Variants in GRID2 observed in about 807,000 individuals in gnomAD.
GRID2 encodes the protein glutamate receptor ionotropic, delta-2.
Under a neutral mutation model 114.8 loss-of-function variants are expected in GRID2, and 33 were observed. That is an observed-to-expected ratio of 0.29 (90% CI 0.22 to 0.38). GRID2 has a LOEUF of 0.38. GRID2 is among the 10% of genes least tolerant of loss of function. GRID2 has a pLI of 1.00. For synonymous variants in GRID2, 505 were observed against 449.9 expected (o/e 1.12, Z -1.55); for missense variants, 1,184 against 1,257.7 (o/e 0.94, Z 0.89).
rs778167783 is a variant in GRID2, at chr4:93,216,890, TC to T, written c.944del (p.Pro315HisfsTer67). The T allele has an allele frequency of 6.2e-7, 1 of 1,612,522 alleles. No homozygotes were observed. On this transcript the variant is annotated frameshift_variant, in exon 6 of 16. Transcript: ENST00000282020. LOFTEE classifies it high-confidence loss of function. Reference sequence around the variant, plus strand: ...CTTCAACATTGTGTGATCCAAAGGATCCATTTGCTCAGAATATGGAGGTATA... The same window carrying T: ...CTTCAACATTGTGTGATCCAAAGGATCATTTGCTCAGAATATGGAGGTATA... ...ISSTLCDPKDPFAQNMEISNL... is the reference protein window; with the variant it reads ...ISSTLCDPKDXFAQNMEISNL...
rs115522868 is a variant in GRID2, at chr4:93,046,421, G to A, written c.245-38574G>A. On this transcript the variant is annotated intron_variant, in intron 2 of 15. Coordinates refer to ENST00000282020, the MANE Select transcript of GRID2 (RefSeq NM_001510.4). The stretch of plus-strand genomic sequence containing the variant: ...AGAGAAAAATAGTGTAAGATTTCAA[G>A]ATAAAAGTGAAAGCTGAAGGAATTT... Among the ~76,000 whole-genome samples, 226 of 152,182 alleles carry A rather than the reference G, an allele frequency of 1.5e-3. 1 individual carries two copies. The highest frequency in any genetic ancestry group is 5.4e-3 in the African/African-American group (223 of 41,556).
At chr4:92,465,108 G>C (rs1214162965) in intron 1 of GRID2, among the ~76,000 whole-genome samples, 1 of 152,074 alleles carries the variant, frequency 6.6e-6, no homozygotes, top group Non-Finnish European at 1.5e-5. Flanking sequence ...GGAACTCTGA[G>C]TCAATTAAAT....
chr4:92,919,688 C>G (rs542624200), intron 2 of GRID2, among the ~76,000 whole-genome samples: 61 of 152,204 alleles, frequency 4.0e-4, no homozygotes, highest in Middle Eastern at 6.8e-3. Context: ...ATCCTGAGTT[C>G]TAGTTTGATT....
chr4:93,766,636 C>T (rs928393065), intron 14 of GRID2, among the ~76,000 whole-genome samples: 3 of 152,154 alleles, frequency 2.0e-5, no homozygotes, highest in Non-Finnish European at 4.4e-5. Flanking sequence ...GCAAATGTTG[C>T]TGTAGTTGCC....
intron 8 of GRID2, among the ~76,000 whole-genome samples, chr4:93,383,231 G>A (rs1301297457): frequency 6.6e-6 from 1 of 152,124 alleles, no homozygotes; most frequent in Non-Finnish European, 1.5e-5. Flanking sequence ...TGACTACCTA[G>A]CCCTTCGTCT....
chr4:92,514,852 C>T (rs1724426901), intron 1 of GRID2, among the ~76,000 whole-genome samples: 1 of 151,852 alleles, frequency 6.6e-6, no homozygotes, highest in South Asian at 2.1e-4. Context: ...CACAAAGTTA[C>T]CCCATGCCTG....
rs535472234 is a variant in GRID2, at chr4:92,704,705, C to A, written c.244+114419C>A. 1.9e-3 allele frequency among the ~76,000 whole-genome samples: 267 copies of A among 141,134 alleles called. 2 individuals carry two copies. Among genetic ancestry groups the A allele is most frequent in the African/African-American group, 7.1e-3 (248 of 34,832 alleles). 92.6% of individuals were successfully genotyped at this position (141,134 alleles called of 152,430 possible). Reference sequence around the variant, plus strand: ...TTCTCCCCAATCAATCAATCAATCTCTCTCTCTCTCTCTCTCTTTCTCTCT... The same window carrying A: ...TTCTCCCCAATCAATCAATCAATCTATCTCTCTCTCTCTCTCTTTCTCTCT... On this transcript the variant is annotated intron_variant, in intron 2 of 15. Coordinates refer to ENST00000282020, the MANE Select transcript of GRID2 (RefSeq NM_001510.4).
At chr4:92,842,614 TG>T (rs1261895642) in intron 2 of GRID2, among the ~76,000 whole-genome samples, 5 of 152,178 alleles carry the variant, frequency 3.3e-5, no homozygotes, top group African/African-American at 4.8e-5. Flanking sequence ...GTAGGCAGCT[TG>T]GCAGGTGCTG....
At chr4:92,414,087 A>G (rs1311774175) in intron 1 of GRID2, among the ~76,000 whole-genome samples, 1 of 152,128 alleles carries the variant, frequency 6.6e-6, no homozygotes, top group Non-Finnish European at 1.5e-5. Context: ...GGTGATACAT[A>G]ATAAAGTCTT....
chr4:93,747,685 A>G (rs1731960062), intron 14 of GRID2, among the ~76,000 whole-genome samples: 1 of 152,136 alleles, frequency 6.6e-6, no homozygotes, highest in Admixed American at 6.6e-5. Context: ...ATAATATGTA[A>G]AATGTTTTTA....
intron 8 of GRID2, among the ~76,000 whole-genome samples, chr4:93,352,294 A>G (rs1760881430): frequency 6.6e-6 from 1 of 152,024 alleles, no homozygotes; most frequent in Non-Finnish European, 1.5e-5. Context: ...AAGTTTGAAG[A>G]ACTCTAAAAT....
chr4:93,408,137 A>C (rs1766716036), intron 9 of GRID2, among the ~76,000 whole-genome samples: 1 of 152,172 alleles, frequency 6.6e-6, no homozygotes, highest in Non-Finnish European at 1.5e-5. Flanking sequence ...TAGCATTTGA[A>C]AGCAAGGTCT....
chr4:93,089,566 C>G (rs1419021794), intron 3 of GRID2, among the ~76,000 whole-genome samples: 1 of 152,094 alleles, frequency 6.6e-6, no homozygotes, highest in Admixed American at 6.6e-5. Flanking sequence ...TCTGATGGCT[C>G]TCAAACTTTG....
In GRID2 at chr4:93,561,338, A is replaced by G. The variant is rs547784010; in HGVS notation, c.2193+45927A>G. 2.6e-4 allele frequency among the ~76,000 whole-genome samples: 39 copies of G among 152,172 alleles called. 1 individual carries two copies. In the East Asian group the frequency reaches 7.5e-3, roughly 29 times the overall value. Reference sequence around the variant, plus strand: ...AGAGCCCTAATAATGCACACCACCAATTTTTCTTAAATTGTGTTTATCATA... The same window carrying G: ...AGAGCCCTAATAATGCACACCACCAGTTTTTCTTAAATTGTGTTTATCATA... On this transcript the variant is annotated intron_variant, in intron 13 of 15. Coordinates refer to ENST00000282020, the MANE Select transcript of GRID2 (RefSeq NM_001510.4).
chr4:92,515,754 T>C (rs1184906688), intron 1 of GRID2, among the ~76,000 whole-genome samples: 2 of 151,988 alleles, frequency 1.3e-5, no homozygotes, highest in African/African-American at 4.8e-5. Context: ...TGAGCTTTGT[T>C]TTAAATAATT....
At chr4:93,168,967 C>T (rs1738528604) in intron 4 of GRID2, among the ~76,000 whole-genome samples, 2 of 152,168 alleles carry the variant, frequency 1.3e-5, no homozygotes, top group South Asian at 4.2e-4. Context: ...AGTTCTAGGT[C>T]AGTTTTCAAA....
Position 92,441,816 on chromosome 4 carries a change from T to TGG in GRID2, c.88+137077_88+137078dup, listed in dbSNP as rs774407363. Among the ~76,000 whole-genome samples the TGG allele has an allele frequency of 6.1e-4, 91 of 149,416 alleles. No individual in the cohort carries two copies. The East Asian group carries it at 9.1e-3, about 15-fold the overall frequency. ...GGTATCTTATACTTGTGGGTTAAGGTGGGGGGATACAAGAGGAGGACGCAA... is the reference window on the plus strand; with the variant it reads ...GGTATCTTATACTTGTGGGTTAAGGTGGGGGGGGATACAAGAGGAGGACGCAA... On this transcript the variant is annotated intron_variant, in intron 1 of 15. Transcript: ENST00000282020.
intron 8 of GRID2, among the ~76,000 whole-genome samples, chr4:93,276,042 A>T (rs1162503358): frequency 6.6e-6 from 1 of 151,800 alleles, no homozygotes; most frequent in African/African-American, 2.4e-5. Flanking sequence ...AAGGTCCCAA[A>T]ACTTTTCTCT....
At chr4:92,778,820 T>C (rs976443964) in intron 2 of GRID2, among the ~76,000 whole-genome samples, 58 of 152,172 alleles carry the variant, frequency 3.8e-4, no homozygotes, top group Non-Finnish European at 4.7e-4. Flanking sequence ...TTATGTGAAG[T>C]TATCTTCAGT....
Sources: allele counts gnomAD v4.1 joint callset (sites outside exome capture counted in the v4.1 genomes callset), GRCh38; gene constraint gnomAD v4.1.1; transcripts MANE v1.5; gene names NCBI Gene and HGNC (gene_info 2026-07-23, HGNC 2026-07-21).